Variants in TMEM108 observed in about 807,000 individuals in gnomAD.
TMEM108 encodes cancer/testis antigen 124.
In TMEM108, 12 loss-of-function variants were observed where a neutral mutation model predicts 35.1. The ratio of observed to expected loss-of-function variants is 0.34; its 90% CI spans 0.22 to 0.55. The LOEUF (loss-of-function observed/expected upper bound fraction) is 0.55. Among genes scored for constraint, TMEM108 ranks in the 20% least tolerant of loss-of-function variants. The pLI, the probability that TMEM108 is intolerant of heterozygous loss-of-function variation, is 0.89. For missense variants in TMEM108, 680 were observed against 753.3 expected (o/e 0.90, Z 1.14); for synonymous variants, 287 against 308.6 (o/e 0.93, Z 0.73).
chr3:133,328,003 C>G (rs1445384618), intron 3 of TMEM108, among the ~76,000 whole-genome samples: 3 of 152,152 alleles, frequency 2.0e-5, no homozygotes, highest in Non-Finnish European at 4.4e-5. Flanking sequence ...CTAATACCAC[C>G]TTTGTTGTGG....
At chr3:133,271,372 C>A (rs559353925) in intron 3 of TMEM108, among the ~76,000 whole-genome samples, 2 of 152,278 alleles carry the variant, frequency 1.3e-5, no homozygotes, top group East Asian at 1.9e-4. Context: ...AATTTTTTAA[C>A]CTTTTCAATA....
rs1390056233 is a variant in TMEM108 at position 133,272,070 on chromosome 3, G to T, written c.40+42719G>T. 2.6e-5 allele frequency among the ~76,000 whole-genome samples: 4 copies of T among 152,306 alleles called. No individual in the cohort carries two copies. The East Asian group carries it at 7.7e-4, about 29-fold the overall frequency. On this transcript the variant is annotated intron_variant, in intron 3 of 5. Transcript: ENST00000321871. ...AGGAGGCCTCTTAGAGGAGTTAACA[G>T]CTGAGCTTTGTGCCTCACAGTTTCC...
intron 2 of TMEM108, among the ~76,000 whole-genome samples, chr3:133,146,790 T>A (rs1944727373): frequency 6.6e-6 from 1 of 152,232 alleles, no homozygotes; most frequent in Non-Finnish European, 1.5e-5. Context: ...AGTTTGTATT[T>A]CTGTGGGATC....
At chr3:133,274,443 C>G (rs1398425020) in intron 3 of TMEM108, among the ~76,000 whole-genome samples, 2 of 152,154 alleles carry the variant, frequency 1.3e-5, no homozygotes, top group Non-Finnish European at 2.9e-5. Flanking sequence ...GAGGTCTTCC[C>G]AAGCCTGGCT....
At chr3:133,280,523 G>C (rs1341647347) in intron 3 of TMEM108, among the ~76,000 whole-genome samples, 2 of 152,224 alleles carry the variant, frequency 1.3e-5, no homozygotes, top group East Asian at 3.9e-4. Flanking sequence ...TACTCATGTA[G>C]ATAATGTACA....
intron 5 of TMEM108, among the ~76,000 whole-genome samples, chr3:133,392,358 T>C (rs56348597): frequency 0.33 from 49,859 of 151,586 alleles, 8,919 homozygotes; most frequent in East Asian, 0.43. Flanking sequence ...AGACAGGGTT[T>C]CGCTATGTTG....
intron 5 of TMEM108, among the ~76,000 whole-genome samples, chr3:133,392,406 G>A (rs559078907): frequency 2.6e-5 from 4 of 152,024 alleles, no homozygotes; most frequent in South Asian, 4.2e-4. Context: ...CAAGTGACCC[G>A]CCCACCTCAG....
intron 2 of TMEM108, among the ~76,000 whole-genome samples, chr3:133,211,264 C>T (rs1017986783): frequency 6.6e-6 from 1 of 152,124 alleles, no homozygotes; most frequent in Non-Finnish European, 1.5e-5. Context: ...CCTTACCTCC[C>T]TTTCTACTGT....
intron 2 of TMEM108, among the ~76,000 whole-genome samples, chr3:133,182,521 G>A (rs1189952536): frequency 2.0e-5 from 3 of 152,186 alleles, no homozygotes; most frequent in African/African-American, 4.8e-5. Context: ...CTGATGTCAC[G>A]TTGAGGTCTT....
At chr3:133,326,441 G>C (rs1292631702) in intron 3 of TMEM108, among the ~76,000 whole-genome samples, 1 of 152,178 alleles carries the variant, frequency 6.6e-6, no homozygotes, top group Non-Finnish European at 1.5e-5. Context: ...CCTTCACCGG[G>C]AGTCTCACCT....
chr3:133,136,507 A>C (rs1944566834), intron 2 of TMEM108, among the ~76,000 whole-genome samples: 1 of 152,226 alleles, frequency 6.6e-6, no homozygotes, highest in African/African-American at 2.4e-5. Context: ...TGTGTGAGTC[A>C]TCACAGTATT....
At chr3:133,325,809 A>G (rs2071326033) in intron 3 of TMEM108, among the ~76,000 whole-genome samples, 1 of 151,612 alleles carries the variant, frequency 6.6e-6, no homozygotes, top group South Asian at 2.1e-4. Context: ...AATATATGGA[A>G]TATGGCTGGG....
At chr3:133,277,255 G>A (rs1371600712) in intron 3 of TMEM108, among the ~76,000 whole-genome samples, 1 of 152,134 alleles carries the variant, frequency 6.6e-6, no homozygotes, top group East Asian at 1.9e-4. Flanking sequence ...GGTTATGTAA[G>A]AGAATGCCTT....
At chr3:133,182,520 C>G (rs770581084) in intron 2 of TMEM108, among the ~76,000 whole-genome samples, 16 of 152,166 alleles carry the variant, frequency 1.1e-4, no homozygotes, top group Non-Finnish European at 2.1e-4. Flanking sequence ...ACTGATGTCA[C>G]GTTGAGGTCT....
intron 3 of TMEM108, among the ~76,000 whole-genome samples, chr3:133,313,345 C>T (rs1300518002): frequency 1.3e-5 from 2 of 151,914 alleles, no homozygotes; most frequent in Non-Finnish European, 2.9e-5. Flanking sequence ...CTACAGTTGC[C>T]CACCACCACG....
intron 3 of TMEM108, among the ~76,000 whole-genome samples, chr3:133,281,179 G>A (rs1946906740): frequency 6.6e-6 from 1 of 152,208 alleles, no homozygotes; most frequent in South Asian, 2.1e-4. Flanking sequence ...AATGAAATGA[G>A]TAAATAATGT....
chr3:133,141,989 G>T (rs768301948), intron 2 of TMEM108, among the ~76,000 whole-genome samples: 2 of 152,136 alleles, frequency 1.3e-5, no homozygotes, highest in Admixed American at 1.3e-4. Context: ...GAGAAGAGGG[G>T]CAGGCTGTCT....
intron 3 of TMEM108, among the ~76,000 whole-genome samples, chr3:133,260,556 G>T (rs1946609842): frequency 6.6e-6 from 1 of 152,182 alleles, no homozygotes; most frequent in Non-Finnish European, 1.5e-5. Flanking sequence ...TGTGGTCAGA[G>T]CATAGTGGTG....
intron 2 of TMEM108, among the ~76,000 whole-genome samples, chr3:133,050,791 C>T (rs181580293): frequency 6.6e-6 from 1 of 151,624 alleles, no homozygotes; most frequent in Admixed American, 6.6e-5. Context: ...GCTTATTTTA[C>T]TCAATAATCA....
Sources: gnomAD v4.1 joint callset for allele counts (sites outside exome capture counted in the v4.1 genomes callset) on GRCh38, gnomAD v4.1.1 for gene constraint, MANE v1.5 for transcripts, NCBI Gene and HGNC (gene_info 2026-07-23, HGNC 2026-07-21) for gene names.